Variants in SMC5 observed in about 807,000 individuals in gnomAD.
SMC5 encodes structural maintenance of chromosomes 5, also known as structural maintenance of chromosomes protein 5.
Under a neutral mutation model 148.3 loss-of-function variants are expected in SMC5, and 88 were observed. The observed-to-expected ratio is 0.59, with a 90% CI of 0.50 to 0.71. SMC5 has a LOEUF of 0.71. Among genes scored for constraint, SMC5 ranks in the 30% least tolerant of loss-of-function variants. SMC5 has a pLI of 0.00. For missense variants in SMC5, 1,142 were observed against 1,298.9 expected (o/e 0.88, Z 1.86); for synonymous variants, 421 against 432.8 (o/e 0.97, Z 0.34).
chr9:70,307,747 G>A (rs537135461), intron 11 of SMC5, among the ~76,000 whole-genome samples: 4 of 152,012 alleles, frequency 2.6e-5, no homozygotes, highest in Non-Finnish European at 2.9e-5. Flanking sequence ...CAAGTGATCC[G>A]CCCGCCTTGG....
chr9:70,293,802 G>A (rs909526204), intron 8 of SMC5, among the ~76,000 whole-genome samples: 1 of 152,080 alleles, frequency 6.6e-6, no homozygotes, highest in African/African-American at 2.4e-5. Flanking sequence ...ATGGAAGTAT[G>A]CTTTTATTTC....
chr9:70,292,501 C>G (rs902823935), intron 8 of SMC5, among the ~76,000 whole-genome samples: 1 of 152,006 alleles, frequency 6.6e-6, no homozygotes, highest in African/African-American at 2.4e-5. Context: ...ACTTAGTTTT[C>G]TTACGTTATT....
At chr9:70,347,201 C>T in intron 20 of SMC5, 40 bp downstream of exon 20, 1 of 1,521,584 alleles carries the variant, frequency 6.6e-7, no homozygotes, top group African/African-American at 1.4e-5. Context: ...ATCCAACCAC[C>T]ACCACCACCC....
At chr9:70,300,361 C>T (rs952206392) in intron 10 of SMC5, among the ~76,000 whole-genome samples, 161 bp downstream of exon 10, 3 of 151,996 alleles carry the variant, frequency 2.0e-5, no homozygotes, top group Non-Finnish European at 2.9e-5. Context: ...TAAAGGTCCC[C>T]TGATCAATGA....
chr9:70,323,567 A>G lies in SMC5; in HGVS notation c.2235A>G (p.Gln745=), dbSNP rs2036001541. ...CCAAAATCAAAGAAATAAATGTTCA[A>G]AAAGCGAAACTTGTTACCGAATTAA... ...ASTKIKEINV[Q]KAKLVTELTN... Residue 745 remains glutamine (Q), a synonymous_variant, in exon 16 of 25, where the codon CAA becomes CAG. Coordinates refer to ENST00000361138, the MANE Select transcript of SMC5 (RefSeq NM_015110.4). The G allele has an allele frequency of 4.3e-6, 7 of 1,612,574 alleles. No homozygotes were observed. The highest frequency in any genetic ancestry group is 2.2e-5 in the South Asian group (2 of 90,678).
At chr9:70,336,370 G>A (rs924097082) in intron 17 of SMC5, among the ~76,000 whole-genome samples, 10 of 152,262 alleles carry the variant, frequency 6.6e-5, no homozygotes, top group Admixed American at 2.6e-4. Flanking sequence ...ATAGCCAAAC[G>A]AAGCTGAAGA....
At chr9:70,348,617 G>A (rs1348538746) in intron 22 of SMC5, among the ~76,000 whole-genome samples, 2 of 151,942 alleles carry the variant, frequency 1.3e-5, no homozygotes, top group Admixed American at 1.3e-4. Flanking sequence ...CTTGAGCCTG[G>A]AAGGTGGAGG....
chr9:70,336,747 T>C (rs2036366899), intron 17 of SMC5, among the ~76,000 whole-genome samples: 1 of 152,198 alleles, frequency 6.6e-6, no homozygotes, highest in African/African-American at 2.4e-5. Flanking sequence ...AATGTTGTTA[T>C]AAAAGAGGTT....
chr9:70,277,357 C>CA lies in SMC5; in HGVS notation c.434dup (p.Asn145LysfsTer45). The CA allele has an allele frequency of 3.7e-6, 6 of 1,601,034 alleles. No homozygotes were observed. Among genetic ancestry groups the CA allele is most frequent in the Non-Finnish European group, 5.1e-6 (6 of 1,173,690 alleles). On this transcript the variant is annotated frameshift_variant, in exon 4 of 25. Coordinates refer to ENST00000361138, the MANE Select transcript of SMC5 (RefSeq NM_015110.4). LOFTEE classifies it high-confidence loss of function. ...GTAATCACCCGTGAGATTGATGTGG[C>CA]AAAAAATCAGTCCTTTTGGTTCATC...
chr9:70,289,536 A>G (rs1342472293), intron 8 of SMC5, among the ~76,000 whole-genome samples: 3 of 152,148 alleles, frequency 2.0e-5, no homozygotes, highest in African/African-American at 4.8e-5. Context: ...TTGATGGCAA[A>G]TAAAGGAGTT....
chr9:70,335,956 G>T (rs1044296600), intron 17 of SMC5, among the ~76,000 whole-genome samples: 2 of 152,038 alleles, frequency 1.3e-5, no homozygotes, highest in Non-Finnish European at 2.9e-5. Context: ...CCATGTGTCC[G>T]CTACCCCTCT....
At chr9:70,309,646 T>G (rs2035608738) in intron 11 of SMC5, among the ~76,000 whole-genome samples, 1 of 152,310 alleles carries the variant, frequency 6.6e-6, no homozygotes, top group Admixed American at 6.5e-5. Flanking sequence ...ATCATGAGAT[T>G]GCAGCAATTC....
At chr9:70,293,790 G>A (rs1407871128) in intron 8 of SMC5, among the ~76,000 whole-genome samples, 2 of 152,030 alleles carry the variant, frequency 1.3e-5, no homozygotes, top group Non-Finnish European at 2.9e-5. Flanking sequence ...ACCGCTTTTT[G>A]TATGGAAGTA....
intron 8 of SMC5, among the ~76,000 whole-genome samples, chr9:70,296,532 A>G (rs572242460): frequency 1.7e-3 from 252 of 151,714 alleles, no homozygotes; most frequent in Middle Eastern, 3.4e-3. Context: ...CAGCCTGGGC[A>G]ACAGAGTGAG....
intron 17 of SMC5, among the ~76,000 whole-genome samples, chr9:70,336,853 A>G (rs1441763070): frequency 6.6e-6 from 1 of 152,232 alleles, no homozygotes; most frequent in Non-Finnish European, 1.5e-5. Flanking sequence ...TGCTGCTGAT[A>G]AAGACATACC....
chr9:70,272,170 G>T (rs1031170963), intron 3 of SMC5, among the ~76,000 whole-genome samples: 4 of 152,156 alleles, frequency 2.6e-5, no homozygotes, highest in African/African-American at 7.2e-5. Flanking sequence ...AGATATCAGG[G>T]AGGACTCCAA....
rs114590849 is a variant in SMC5 at position 70,333,055 on chromosome 9, G to T, written c.2397+8912G>T. Among the ~76,000 whole-genome samples, 597 of 152,114 alleles carry T rather than the reference G, an allele frequency of 3.9e-3. 3 individuals are homozygous for T. The highest frequency in any genetic ancestry group is 0.013 in the African/African-American group (552 of 41,482). ...ACCCTTACCACTTCTAGTCCACATT[G>T]TACTGGAAGTTCTAGTCAGTGCAGT... is the stretch of plus-strand genomic sequence containing the variant. On this transcript the variant is annotated intron_variant, in intron 17 of 24. Transcript: ENST00000361138.
rs201218742 is a variant in SMC5 at position 70,337,450 on chromosome 9, G to GT, written c.2398-6670dup. ...GGATAAATACTGTGTTTTGGGATTTGTTTTTTTTTTTTTTTTTTTTTTTTG... is the reference window on the plus strand; with the variant it reads ...GGATAAATACTGTGTTTTGGGATTTGTTTTTTTTTTTTTTTTTTTTTTTTTG... On this transcript the variant is annotated intron_variant, in intron 17 of 24. Coordinates refer to ENST00000361138, the MANE Select transcript of SMC5 (RefSeq NM_015110.4). Among the ~76,000 whole-genome samples the GT allele has an allele frequency of 4.6e-3, 551 of 119,818 alleles. 11 individuals are homozygous for GT. The highest frequency in any genetic ancestry group is 0.019 in the African/African-American group (458 of 23,602). The allele number at this position is 119,818 out of a possible 152,430, so 78.6% of individuals were successfully genotyped here. A position where few individuals can be genotyped will look rare whatever the true frequency, so the allele number is the denominator to read the frequency against.
At chr9:70,293,935 T>C (rs2035130853) in intron 8 of SMC5, among the ~76,000 whole-genome samples, 1 of 152,166 alleles carries the variant, frequency 6.6e-6, no homozygotes, top group Admixed American at 6.5e-5. Context: ...TTGTGATGGC[T>C]TGGAATTTTT....
Sources: gnomAD v4.1 joint callset for allele counts (sites outside exome capture counted in the v4.1 genomes callset) on GRCh38, gnomAD v4.1.1 for gene constraint, MANE v1.5 for transcripts, NCBI Gene and HGNC (gene_info 2026-07-23, HGNC 2026-07-21) for gene names.